Variants in MYB observed in about 807,000 individuals in gnomAD.
The protein encoded by MYB is MYB proto-oncogene, transcription factor, also known as transcriptional activator Myb.
In MYB, 28 loss-of-function variants were observed where a neutral mutation model predicts 92.9. The observed-to-expected ratio is 0.30, with a 90% confidence interval of 0.22 to 0.41. MYB has a LOEUF of 0.41. Ranked by LOEUF, MYB falls within the 10% of genes least tolerant of loss-of-function variation. The pLI is 1.00. For missense variants in MYB, 679 were observed against 929.3 expected, an observed-to-expected ratio of 0.73 and a Z score of 3.50; for synonymous variants, 295 against 329.1, an observed-to-expected ratio of 0.90 and a Z score of 1.12.
chr6:135,194,716 A>G lies in MYB; in HGVS notation c.948+256A>G, dbSNP rs1583295282. On this transcript the variant is annotated intron_variant, in intron 8 of 15. Transcript: ENST00000341911. The stretch of plus-strand genomic sequence containing the variant: ...TGTTATCATCAATTTTTTTCTTCAG[A>G]AGGACTATAATCAGTTTAAAGACTA... The G allele has an allele frequency of 7.0e-6, 4 of 570,672 alleles. No homozygotes were observed. In the East Asian group the frequency reaches 1.2e-4, roughly 17 times the overall value. 35.4% of individuals were successfully genotyped at this position (570,672 alleles called of 1,614,324 possible).
At chr6:135,186,149 T>C (rs1344996694) in intron 2 of MYB, 129 bp downstream of exon 2, 1 of 697,734 alleles carries the variant, frequency 1.4e-6, no homozygotes, top group Non-Finnish European at 2.4e-6. Flanking sequence ...CTAGCCCGCA[T>C]GTGCAGCGTG....
rs1350126449 is a variant in MYB, at chr6:135,181,357, T to G, written c.-157T>G. 1.6e-5 allele frequency: 4 copies of G among 256,248 alleles called. No individual in the cohort carries two copies. The highest frequency in any genetic ancestry group is 2.3e-5 in the African/African-American group (1 of 43,108). The allele number at this position is 256,248 out of a possible 1,614,324, so 15.9% of individuals were successfully genotyped here. ...TCCTCCTCCTTCTCCTCCTCCTCCG[T>G]GACCTCCTCCTCCTCTTTCTCCTGA... On this transcript the variant is annotated 5_prime_UTR_variant, in exon 1 of 16. Transcript: ENST00000341911. This position sits in a 1 kb window ranked among gnomAD's most constrained non-coding sequence, Gnocchi z 5.3.
Position 135,195,794 on chromosome 6 carries a change from T to C in MYB, c.995T>C (p.Ile332Thr). Residue 332 changes from isoleucine (I) to threonine (T), a missense_variant, in exon 9 of 16, where the codon ATT becomes ACT. Around this residue, in one of 8 missense-constraint regions of MYB, gnomAD observed 56 missense variants for 55.8 expected, o/e 1.00. Coordinates refer to ENST00000341911, the MANE Select transcript of MYB (RefSeq NM_001130173.2). ...TACCCCGGGTGGCACAGCACCACCA[T>C]TGCCGACCACACCAGACCTCATGGA... ...CSYPGWHSTT[I>T]ADHTRPHGDS... 6.2e-7 allele frequency: 1 copy of C among 1,614,194 alleles called. No individual in the cohort carries two copies. Among genetic ancestry groups the C allele is most frequent in the Non-Finnish European group, 8.5e-7 (1 of 1,180,032 alleles).
intron 2 of MYB, among the ~76,000 whole-genome samples, chr6:135,187,324 G>A (rs974578856): frequency 1.2e-4 from 19 of 152,082 alleles, no homozygotes; most frequent in African/African-American, 4.3e-4. Flanking sequence ...AAACTAACTG[G>A]AAATATTCTA....
intron 8 of MYB, chr6:135,195,278 A>G: frequency 3.0e-6 from 1 of 328,810 alleles, no homozygotes; most frequent in South Asian, 2.8e-5. Context: ...TCACTGCATC[A>G]GTGCAATCTG....
Position 135,181,382 on chromosome 6 carries a change from A to G in MYB, c.-132A>G, listed in dbSNP as rs1469956902. On this transcript the variant is annotated 5_prime_UTR_variant, in exon 1 of 16. Transcript: ENST00000341911. This position sits in a 1 kb window ranked among gnomAD's most constrained non-coding sequence, Gnocchi z 5.3. ...TGACCTCCTCCTCCTCTTTCTCCTG[A>G]GAAACTTCGCCCCAGCGGTGCGGAG... 2.2e-6 allele frequency: 1 copy of G among 451,824 alleles called. No homozygotes were observed. The highest frequency in any genetic ancestry group is 3.1e-6 in the Non-Finnish European group (1 of 325,172). 28.0% of individuals were successfully genotyped at this position (451,824 alleles called of 1,614,324 possible).
rs1457456514 is a variant in MYB, at chr6:135,181,952, T to G, written c.23+416T>G. Among the ~76,000 whole-genome samples the G allele has an allele frequency of 6.6e-6, 1 of 152,184 alleles. No homozygotes were observed. The highest frequency in any genetic ancestry group is 1.5e-5 in the Non-Finnish European group (1 of 68,016). The stretch of plus-strand genomic sequence containing the variant: ...ATTGAGATATGTTTGGACTTGGAAG[T>G]GCAGAGCATATGGCAGATACAGGGA... On this transcript the variant is annotated intron_variant, in intron 1 of 15. Coordinates refer to ENST00000341911, the MANE Select transcript of MYB (RefSeq NM_001130173.2). This position sits in a 1 kb window ranked among gnomAD's most constrained non-coding sequence, Gnocchi z 5.3.
chr6:135,189,731 A>G, intron 3 of MYB, 60 bp from the exon 4 acceptor site: 2 of 1,446,304 alleles, frequency 1.4e-6, no homozygotes, highest in Non-Finnish European at 1.9e-6. Context: ...CTATTACAAC[A>G]AAAAATTCAC....
intron 8 of MYB, chr6:135,195,241 T>C (rs1777141336): frequency 6.7e-6 from 3 of 446,592 alleles, no homozygotes; most frequent in African/African-American, 6.2e-5. Flanking sequence ...TCTTCTGCTT[T>C]CCTAACCACG....
intron 15 of MYB, chr6:135,203,771 CAG>C: frequency 7.6e-7 from 1 of 1,324,408 alleles, no homozygotes; most frequent in South Asian, 1.2e-5. Flanking sequence ...ATTAGTCAGA[CAG>C]AAAATAATTG....
chr6:135,194,607 T>C (rs1583294615), intron 8 of MYB, 147 bp downstream of exon 8: 1 of 629,050 alleles, frequency 1.6e-6, no homozygotes, highest in Non-Finnish European at 2.7e-6. Context: ...TGTAGTAAAA[T>C]GTAGTTGGTA....
At chr6:135,204,503 A>G (rs753777373) in intron 15 of MYB, among the ~76,000 whole-genome samples, 1 of 151,956 alleles carries the variant, frequency 6.6e-6, no homozygotes, top group Non-Finnish European at 1.5e-5. Context: ...AGGTTTTGCC[A>G]TGTTGGCCAG....
chr6:135,206,004 G>A (rs904818791), intron 15 of MYB, among the ~76,000 whole-genome samples: 1 of 151,860 alleles, frequency 6.6e-6, no homozygotes, highest in South Asian at 2.1e-4. Context: ...AGGAGATCGA[G>A]ACCATCCTGG....
At chr6:135,187,225 C>T (rs1470213460) in intron 2 of MYB, among the ~76,000 whole-genome samples, 2 of 152,206 alleles carry the variant, frequency 1.3e-5, no homozygotes, top group Non-Finnish European at 2.9e-5. Flanking sequence ...TATGTTCTAA[C>T]ACATCTGGCC....
Position 135,192,445 on chromosome 6 carries a change from A to C in MYB, c.649A>C (p.Asn217His). The C allele has an allele frequency of 6.2e-7, 1 of 1,614,254 alleles. No individual in the cohort carries two copies. Among genetic ancestry groups the C allele is most frequent in the Non-Finnish European group, 8.5e-7 (1 of 1,180,038 alleles). ...AGCAGTGGCCACAAGCTTCCAGAAG[A>C]ACAGTCATTTGATGGGTTTTGCTCA... ...QPAVATSFQK[N>H]SHLMGFAQAP... The change falls in exon 6 of 16, where the codon AAC becomes CAC. Residue 217 changes from asparagine to histidine, a missense_variant. Transcript: ENST00000341911.
chr6:135,187,959 TATAAA>T, intron 3 of MYB, 54 bp downstream of exon 3: 1 of 1,325,346 alleles, frequency 7.5e-7, no homozygotes, highest in Non-Finnish European at 1.1e-6. Flanking sequence ...CAAAGATTTC[TATAAA>T]ATATTCTAGG....
intron 15 of MYB, among the ~76,000 whole-genome samples, chr6:135,217,499 A>G (rs1202147937): frequency 6.6e-6 from 1 of 152,206 alleles, no homozygotes; most frequent in African/African-American, 2.4e-5. Context: ...CACTGTGGCT[A>G]CAGCACTCAG....
rs371994822 is a variant in MYB, at chr6:135,218,024, T to G, written c.*44T>G. On this transcript the variant is annotated 3_prime_UTR_variant, in exon 16 of 16. Coordinates refer to ENST00000341911, the MANE Select transcript of MYB (RefSeq NM_001130173.2). ...TTATGGTTTTCAGAACACTTCAAGT[T>G]GACTTGGGATATATCATTCCTCAAC... is the stretch of plus-strand genomic sequence containing the variant. 126 of 1,420,672 alleles carry G rather than the reference T, an allele frequency of 8.9e-5. No individual in the cohort carries two copies. The highest frequency in any genetic ancestry group is 1.2e-4 in the Non-Finnish European group (120 of 1,004,408). The allele number at this position is 1,420,672 out of a possible 1,614,324, so 88.0% of individuals were successfully genotyped here.
intron 15 of MYB, chr6:135,203,812 G>C (rs758510941): frequency 4.4e-5 from 57 of 1,282,740 alleles, no homozygotes; most frequent in Non-Finnish European, 5.7e-5. Context: ...GAATAAGAAA[G>C]TCAACTGTCA....
Sources: allele counts gnomAD v4.1 joint callset (sites outside exome capture counted in the v4.1 genomes callset), GRCh38; gene constraint gnomAD v4.1.1; regional missense constraint gnomAD v4.1.1; non-coding constraint Gnocchi (gnomAD v3.1); transcripts MANE v1.5; gene names NCBI Gene and HGNC (gene_info 2026-07-23, HGNC 2026-07-21).